PNLIPRP3: variants seen among roughly 807,000 people sequenced by gnomAD.
PNLIPRP3 encodes the protein pancreatic lipase-related protein 3.
PNLIPRP3 carries 58 observed loss-of-function variants against 52.8 expected under a neutral mutation model. The ratio of observed to expected loss-of-function variants is 1.10; its 90% CI spans 0.89 to 1.37. PNLIPRP3 has a LOEUF of 1.37. Ranked by LOEUF, PNLIPRP3 falls within the 40% of genes most tolerant of loss-of-function variation. The pLI, the probability that PNLIPRP3 is intolerant of heterozygous loss-of-function variation, is 0.00. For synonymous variants in PNLIPRP3, 192 were observed against 185.0 expected (o/e 1.04, Z -0.31); for missense variants, 593 against 561.6 (o/e 1.06, Z -0.57).
chr10:116,476,965 C>A, intron 11 of PNLIPRP3, 125 bp from the exon 12 acceptor site: 1 of 1,167,670 alleles, frequency 8.6e-7, no homozygotes, highest in South Asian at 1.6e-5. Flanking sequence ...AGTTAAGAAA[C>A]CAATGCTATA....
chr10:116,440,525 A>C (rs1452637495), intron 2 of PNLIPRP3, among the ~76,000 whole-genome samples: 1 of 152,204 alleles, frequency 6.6e-6, no homozygotes, highest in Admixed American at 6.5e-5. Context: ...AAGGTGTGTA[A>C]TTAAAATAAG....
intron 7 of PNLIPRP3, 48 bp from the exon 8 acceptor site, chr10:116,466,002 C>G (rs1164468240): frequency 7.6e-7 from 1 of 1,320,672 alleles, no homozygotes; most frequent in South Asian, 1.2e-5. Flanking sequence ...GTTTATGCTA[C>G]CAGTTATCAG....
At chr10:116,457,194 T>C (rs942049290) in intron 5 of PNLIPRP3, among the ~76,000 whole-genome samples, 3 of 152,224 alleles carry the variant, frequency 2.0e-5, no homozygotes, top group Non-Finnish European at 4.4e-5. Flanking sequence ...TGTGCCTCTT[T>C]TGTGTTTGAA....
chr10:116,468,608 T>C, intron 8 of PNLIPRP3, among the ~76,000 whole-genome samples: 1 of 152,244 alleles, frequency 6.6e-6, no homozygotes, highest in Non-Finnish European at 1.5e-5. Flanking sequence ...GTGACTGCTG[T>C]AAGCGGGGGC....
chr10:116,436,442 A>G (rs78092246), intron 1 of PNLIPRP3, among the ~76,000 whole-genome samples: 19,287 of 152,230 alleles, frequency 0.13, 1,501 homozygotes, highest in Admixed American at 0.25. Context: ...AGCAATGATC[A>G]TTTTGGAATA....
intron 4 of PNLIPRP3, among the ~76,000 whole-genome samples, chr10:116,451,629 C>A (rs957321571): frequency 4.3e-4 from 65 of 152,092 alleles, no homozygotes; most frequent in African/African-American, 1.5e-3. Context: ...GAGCATGGTA[C>A]CTCCCCACTT....
At chr10:116,463,986 T>C (rs1198031160) in intron 7 of PNLIPRP3, among the ~76,000 whole-genome samples, 1 of 27,656 alleles carries the variant, frequency 3.6e-5, no homozygotes, top group Non-Finnish European at 7.1e-5. Flanking sequence ...ATCTCTAAAA[T>C]AAAAAAAGAA....
intron 1 of PNLIPRP3, among the ~76,000 whole-genome samples, chr10:116,433,038 T>C (rs1845728518): frequency 7.3e-6 from 1 of 136,206 alleles, no homozygotes; most frequent in Non-Finnish European, 1.5e-5. Flanking sequence ...CGCTTGAACC[T>C]GGGAAGCGGA....
intron 1 of PNLIPRP3, among the ~76,000 whole-genome samples, chr10:116,436,471 C>A (rs1845775238): frequency 6.6e-6 from 1 of 151,928 alleles, no homozygotes; most frequent in Admixed American, 6.6e-5. Context: ...AAAGCACAGG[C>A]AACGAAATAA....
At chr10:116,437,798 C>A (rs1007799356) in intron 2 of PNLIPRP3, among the ~76,000 whole-genome samples, 1 of 152,100 alleles carries the variant, frequency 6.6e-6, no homozygotes, top group Non-Finnish European at 1.5e-5. Context: ...ATTAAAAACT[C>A]AATTCATCAG....
At chr10:116,433,865 C>T (rs1796472081) in intron 1 of PNLIPRP3, among the ~76,000 whole-genome samples, 1 of 151,478 alleles carries the variant, frequency 6.6e-6, no homozygotes, top group Non-Finnish European at 1.5e-5. Flanking sequence ...AAGAAATAAA[C>T]CTTAATTTTT....
chr10:116,439,433 C>T, intron 2 of PNLIPRP3: 1 of 616,076 alleles, frequency 1.6e-6, no homozygotes. Context: ...TAAGTATTCA[C>T]AAGGAGACAG....
intron 3 of PNLIPRP3, 60 bp downstream of exon 3, chr10:116,443,234 G>C: frequency 6.6e-7 from 1 of 1,524,330 alleles, no homozygotes; most frequent in Non-Finnish European, 8.9e-7. Flanking sequence ...TAACATGAAT[G>C]TACTTTGCAA....
intron 7 of PNLIPRP3, among the ~76,000 whole-genome samples, chr10:116,465,654 T>A (rs954056923): frequency 6.6e-6 from 1 of 152,234 alleles, no homozygotes; most frequent in Admixed American, 6.5e-5. Context: ...TCAGGGACTT[T>A]ACCTGGAACT....
intron 8 of PNLIPRP3, among the ~76,000 whole-genome samples, chr10:116,468,867 C>A (rs1846321530): frequency 6.6e-6 from 1 of 152,142 alleles, no homozygotes; most frequent in Admixed American, 6.5e-5. Context: ...TGAAATTTTA[C>A]CTTGTTTTAA....
chr10:116,477,185 T>C lies in PNLIPRP3; in HGVS notation c.*32T>C, dbSNP rs1450718002. The stretch of plus-strand genomic sequence containing the variant: ...ATACAGTCTTGATGGATTTCTTTAG[T>C]AGGAGCAATGAAGAAAAGTGTCTCC... On this transcript the variant is annotated 3_prime_UTR_variant, in exon 12 of 12. Coordinates refer to ENST00000369230, the MANE Select transcript of PNLIPRP3 (RefSeq NM_001011709.3). 6 of 1,534,984 alleles carry C rather than the reference T, an allele frequency of 3.9e-6. No homozygotes were observed. Among genetic ancestry groups the C allele is most frequent in the Non-Finnish European group, 5.4e-6 (6 of 1,119,064 alleles).
rs755378827 is a variant in PNLIPRP3 at position 116,460,982 on chromosome 10, G to A, written c.582G>A (p.Gly194=). ...LGRITGLDPA[G]PFFHNTPKEV... is the part of the protein sequence containing the mutation. ...TTTCTCTAGGGTTGGACCCAGCTGGGCCATTTTTCCACAACACTCCAAAGG... is the reference window on the plus strand; with the variant it reads ...TTTCTCTAGGGTTGGACCCAGCTGGACCATTTTTCCACAACACTCCAAAGG... The change falls in exon 6 of 12, where the codon GGG becomes GGA. Residue 194 remains glycine, a synonymous_variant. Coordinates refer to ENST00000369230, the MANE Select transcript of PNLIPRP3 (RefSeq NM_001011709.3). 3.1e-6 allele frequency: 5 copies of A among 1,612,016 alleles called. No homozygotes were observed.
At chr10:116,448,231 T>C (rs1845984129) in intron 4 of PNLIPRP3, among the ~76,000 whole-genome samples, 1 of 152,134 alleles carries the variant, frequency 6.6e-6, no homozygotes, top group Admixed American at 6.5e-5. Flanking sequence ...AATATGTTAA[T>C]GGATACACAA....
At chr10:116,470,909 T>A (rs997106514) in intron 9 of PNLIPRP3, among the ~76,000 whole-genome samples, 2 of 152,142 alleles carry the variant, frequency 1.3e-5, no homozygotes, top group Non-Finnish European at 2.9e-5. Context: ...CCATAGAGGC[T>A]CATTGGATGA....
Sources: allele counts gnomAD v4.1 joint callset (sites outside exome capture counted in the v4.1 genomes callset), GRCh38; gene constraint gnomAD v4.1.1; transcripts MANE v1.5; gene names NCBI Gene and HGNC (gene_info 2026-07-23, HGNC 2026-07-21).